Variants in DLC1 observed in about 807,000 individuals in gnomAD.
The protein encoded by DLC1 is DLC1 Rho GTPase activating protein.
In DLC1, 54 loss-of-function variants were observed where a neutral mutation model predicts 140.3. The observed-to-expected ratio is 0.38, with a 90% CI of 0.31 to 0.48. The LOEUF is 0.48. Ranked by LOEUF, DLC1 falls within the 20% of genes least tolerant of loss-of-function variation. The probability of loss-of-function intolerance (pLI) is 0.96; values close to 1 mark genes in which losing one functional copy is unlikely to be tolerated. For synonymous variants in DLC1, 986 were observed against 728.1 expected (o/e 1.35, Z -5.70); for missense variants, 2,536 against 1,907.0 (o/e 1.33, Z -6.14).
chr8:13,558,826 T>A (rs1466305253), intron 1 of DLC1: 1 of 152,206 alleles, frequency 6.6e-6, no homozygotes, highest in Non-Finnish European at 1.5e-5. Flanking sequence ...TGTATCACTA[T>A]ATTTGACATA....
chr8:13,268,602 T>G (rs1164750051), intron 5 of DLC1, among the ~76,000 whole-genome samples: 1 of 152,130 alleles, frequency 6.6e-6, no homozygotes, highest in Non-Finnish European at 1.5e-5. Context: ...CCAGGTGTCT[T>G]GAACTCATGG....
intron 5 of DLC1, among the ~76,000 whole-genome samples, chr8:13,238,061 T>G (rs1320483223): frequency 6.6e-6 from 1 of 152,196 alleles, no homozygotes; most frequent in Non-Finnish European, 1.5e-5. Flanking sequence ...TTTGAAACAT[T>G]TAGCTTTGCA....
At chr8:13,396,062 C>CT (rs33927089) in intron 3 of DLC1, among the ~76,000 whole-genome samples, 13,011 of 135,422 alleles carry the variant, frequency 0.096, 1,393 homozygotes, top group African/African-American at 0.26. Flanking sequence ...TCTTTTCTTT[C>CT]TTTTTTTTTT....
chr8:13,521,841 G>GA (rs1802776705), intron 1 of DLC1, among the ~76,000 whole-genome samples: 2 of 152,110 alleles, frequency 1.3e-5, no homozygotes, highest in East Asian at 3.9e-4. Context: ...CATACCAAGT[G>GA]AAAATGCTTC....
chr8:13,577,927 G>C (rs1804902775), intron 1 of DLC1, among the ~76,000 whole-genome samples: 1 of 152,122 alleles, frequency 6.6e-6, no homozygotes, highest in Admixed American at 6.5e-5. Flanking sequence ...TAAGTCCTTG[G>C]ATGTGCCACA....
chr8:13,515,344 A>T (rs538682923), upstream of DLC1: 1 of 152,318 alleles, frequency 6.6e-6, no homozygotes, highest in African/African-American at 2.4e-5. Context: ...ACCATCTGTA[A>T]GTAAAATCCC....
Position 13,326,810 on chromosome 8 carries a change from C to A in DLC1, c.1315-21508G>T, listed in dbSNP as rs141749474. ...TTCAGGTTCTCAGGCAGCACTGCTC[C>A]GGCTCTAGGAATCATATTTTGAGAA... On this transcript the variant is annotated intron_variant, in intron 4 of 17. Coordinates refer to ENST00000276297, the MANE Select transcript of DLC1 (RefSeq NM_182643.3). Among the ~76,000 whole-genome samples, 15 of 152,256 alleles carry A rather than the reference C, an allele frequency of 9.9e-5. 1 individual carries two copies. In the East Asian group the frequency reaches 2.7e-3, roughly 27 times the overall value.
intron 1 of DLC1, among the ~76,000 whole-genome samples, chr8:13,587,443 A>T (rs147604866): frequency 5.9e-4 from 89 of 151,994 alleles, no homozygotes; most frequent in African/African-American, 1.9e-3. Flanking sequence ...CATGCATTAC[A>T]TGTACGATTC....
At chr8:13,532,014 G>GAA (rs1400945568) in intron 1 of DLC1, among the ~76,000 whole-genome samples, 1 of 152,202 alleles carries the variant, frequency 6.6e-6, no homozygotes, top group African/African-American at 2.4e-5. Context: ...TCTCCAGGCA[G>GAA]AAGCCTAAGT....
In DLC1 at chr8:13,094,882, A is replaced by G. The variant is rs752890252; in HGVS notation, c.3403T>C (p.Cys1135Arg). 10 of 1,614,138 alleles carry G rather than the reference A, an allele frequency of 6.2e-6. No homozygotes were observed. Among genetic ancestry groups the G allele is most frequent in the South Asian group, 1.1e-5 (1 of 91,090 alleles). The change falls in exon 12 of 18, where the codon TGT becomes CGT. Residue 1135 changes from cysteine (C) to arginine (R), a missense_variant. Physicochemically the swap from Cys to Arg is radical, Grantham distance 180 (BLOSUM62 -3). Coordinates refer to ENST00000276297, the MANE Select transcript of DLC1 (RefSeq NM_182643.3). ...LRQMNEGAIDCVNYEGQSAYD... is the reference protein window; with the variant it reads ...LRQMNEGAIDRVNYEGQSAYD... ...GCAGACTGTCCTTCGTAGTTGACAC[A>G]GTCTATGGCACCTTCATTCATCTGG...
At chr8:13,453,690 C>T (rs1051836261) in intron 2 of DLC1, among the ~76,000 whole-genome samples, 2 of 147,992 alleles carry the variant, frequency 1.4e-5, no homozygotes, top group African/African-American at 2.5e-5. Flanking sequence ...ATAGAAATGA[C>T]TTTAGCCTGG....
At chr8:13,207,600 C>A (rs567915628) in intron 5 of DLC1, among the ~76,000 whole-genome samples, 111 of 151,930 alleles carry the variant, frequency 7.3e-4, no homozygotes, top group South Asian at 1.5e-3. Flanking sequence ...TAAAAATAGA[C>A]ATTTTTTCAT....
At chr8:13,324,572 C>A (rs201807640) in intron 4 of DLC1, among the ~76,000 whole-genome samples, 1,056 of 110,124 alleles carry the variant, frequency 9.6e-3, no homozygotes, top group East Asian at 0.019. Context: ...GACTCCGTCT[C>A]AAAAAAAAAA....
At chr8:13,380,969 G>A (rs1836226454) in intron 4 of DLC1, among the ~76,000 whole-genome samples, 1 of 152,118 alleles carries the variant, frequency 6.6e-6, no homozygotes, top group Non-Finnish European at 1.5e-5. Flanking sequence ...GCCCTCTAGG[G>A]AAGGGTTAAT....
intron 5 of DLC1, among the ~76,000 whole-genome samples, chr8:13,118,435 C>G (rs998449151): frequency 2.0e-5 from 3 of 152,140 alleles, no homozygotes; most frequent in African/African-American, 7.2e-5. Flanking sequence ...GACAATTTGT[C>G]TTTCCTTTTG....
chr8:13,098,540 T>C lies in DLC1; in HGVS notation c.3026A>G (p.His1009Arg). 6.2e-7 allele frequency: 1 copy of C among 1,614,228 alleles called. No individual in the cohort carries two copies. The highest frequency in any genetic ancestry group is 8.5e-7 in the Non-Finnish European group (1 of 1,180,014). Reference sequence around the variant, plus strand: ...TGATACAGAGTTGAGGCTTGGCCGATGTGAGCTCTGGAAACTGTGCCATCT... The same window carrying C: ...TGATACAGAGTTGAGGCTTGGCCGACGTGAGCTCTGGAAACTGTGCCATCT... ...RLRWHSFQSS[H>R]RPSLNSVSLQ... is the part of the protein sequence containing the mutation. The change falls in exon 10 of 18, where the codon CAT (histidine) becomes CGT (arginine). Residue 1009 changes from histidine (H) to arginine (R), a missense_variant. Coordinates refer to ENST00000276297, the MANE Select transcript of DLC1 (RefSeq NM_182643.3).
chr8:13,335,804 G>A (rs1396487777), intron 4 of DLC1, among the ~76,000 whole-genome samples: 7 of 152,050 alleles, frequency 4.6e-5, no homozygotes, highest in Non-Finnish European at 5.9e-5. Context: ...AGTCTGCGAT[G>A]ATTCTCTGCT....
At chr8:13,215,772 C>T (rs1456153070) in intron 5 of DLC1, among the ~76,000 whole-genome samples, 1 of 152,122 alleles carries the variant, frequency 6.6e-6, no homozygotes, top group Non-Finnish European at 1.5e-5. Context: ...AAATATTAAA[C>T]ACCCAGTCTT....
intron 5 of DLC1, among the ~76,000 whole-genome samples, chr8:13,128,291 A>C (rs576103091): frequency 6.6e-6 from 1 of 152,330 alleles, no homozygotes; most frequent in South Asian, 2.1e-4. Flanking sequence ...CGTACAGTCA[A>C]CGCGGGCCAG....
Sources: allele counts gnomAD v4.1 joint callset (sites outside exome capture counted in the v4.1 genomes callset), GRCh38; gene constraint gnomAD v4.1.1; transcripts MANE v1.5; gene names NCBI Gene and HGNC (gene_info 2026-07-23, HGNC 2026-07-21).